The following METTL15 variants were observed in gnomAD, a reference collection of about 807,000 sequenced individuals.
METTL15 encodes 12S rRNA N(4)-cytidine methyltransferase METTL15.
Under a neutral mutation model 38.3 loss-of-function variants are expected in METTL15, and 34 were observed. The ratio of observed to expected loss-of-function variants is 0.89; its 90% CI spans 0.68 to 1.18. METTL15 has a LOEUF of 1.18. METTL15 is among the 50% of genes most tolerant of loss of function. The pLI is 0.00. For synonymous variants in METTL15, 162 were observed against 170.9 expected (o/e 0.95, Z 0.41); for missense variants, 438 against 498.4 (o/e 0.88, Z 1.15).
chr11:28,489,661 C>T (rs1199355007), intron 6 of METTL15, among the ~76,000 whole-genome samples: 1 of 152,012 alleles, frequency 6.6e-6, no homozygotes, highest in Non-Finnish European at 1.5e-5. Flanking sequence ...AGAAGTTGCT[C>T]ATGGGAAAGG....
At chr11:28,116,763 A>AT (rs917823967) in intron 3 of METTL15, among the ~76,000 whole-genome samples, 2 of 151,820 alleles carry the variant, frequency 1.3e-5, no homozygotes, top group Admixed American at 6.6e-5. Flanking sequence ...TCTTTAAAAA[A>AT]TTTTTTTTTA....
chr11:28,163,405 A>G, intron 3 of METTL15: 2 of 398,194 alleles, frequency 5.0e-6, no homozygotes, highest in Non-Finnish European at 8.9e-6. Context: ...ATTCTACAGC[A>G]GCCCTGCTTT....
At chr11:28,318,764 T>C (rs1291007556) in intron 6 of METTL15, among the ~76,000 whole-genome samples, 1 of 152,132 alleles carries the variant, frequency 6.6e-6, no homozygotes, top group Non-Finnish European at 1.5e-5. Context: ...TGTAAAAGGC[T>C]CCCTTCCTAG....
At chr11:28,162,051 T>C (rs1212387186) in intron 3 of METTL15, among the ~76,000 whole-genome samples, 1 of 152,188 alleles carries the variant, frequency 6.6e-6, no homozygotes, top group Non-Finnish European at 1.5e-5. Context: ...GACTTATTTT[T>C]TCACATATTT....
At chr11:28,299,554 A>G (rs1338314639) in intron 6 of METTL15, among the ~76,000 whole-genome samples, 2 of 152,152 alleles carry the variant, frequency 1.3e-5, no homozygotes, top group African/African-American at 4.8e-5. Context: ...CTAGAACTGT[A>G]TAGAAATACC....
At chr11:28,277,213 A>T (rs1056587309) in intron 4 of METTL15, among the ~76,000 whole-genome samples, 3 of 152,214 alleles carry the variant, frequency 2.0e-5, no homozygotes, top group Non-Finnish European at 4.4e-5. Flanking sequence ...CACTCAATCC[A>T]GCAATACCCC....
chr11:28,201,292 C>T (rs950224047), intron 3 of METTL15, among the ~76,000 whole-genome samples: 8 of 152,022 alleles, frequency 5.3e-5, no homozygotes, highest in Admixed American at 2.6e-4. Flanking sequence ...ATTTGGTTTG[C>T]CAGTATTTTA....
intron 4 of METTL15, among the ~76,000 whole-genome samples, chr11:28,248,336 A>T (rs1358268380): frequency 2.6e-5 from 4 of 152,032 alleles, no homozygotes; most frequent in African/African-American, 7.2e-5. Context: ...CTTCCTAGCA[A>T]GGAAAGTTGG....
intron 4 of METTL15, among the ~76,000 whole-genome samples, chr11:28,272,400 G>A (rs1451842318): frequency 3.3e-5 from 5 of 152,114 alleles, no homozygotes; most frequent in African/African-American, 7.2e-5. Context: ...AAAAAAGGAC[G>A]AGTTCATGTC....
At chr11:28,436,767 T>G (rs1018991319) in intron 6 of METTL15, among the ~76,000 whole-genome samples, 1 of 152,230 alleles carries the variant, frequency 6.6e-6, no homozygotes, top group African/African-American at 2.4e-5. Flanking sequence ...AGATCTCATT[T>G]TATACACTCA....
intron 6 of METTL15, among the ~76,000 whole-genome samples, chr11:28,484,424 A>T (rs1380592950): frequency 6.6e-6 from 1 of 152,140 alleles, no homozygotes; most frequent in East Asian, 1.9e-4. Context: ...AGTCCTGTGG[A>T]GAAGAAATGC....
intron 6 of METTL15, among the ~76,000 whole-genome samples, chr11:28,440,332 C>A (rs917206944): frequency 7.9e-5 from 12 of 151,948 alleles, no homozygotes; most frequent in Admixed American, 2.6e-4. Flanking sequence ...ATAAAAATTG[C>A]TTACTATGAA....
At chr11:28,162,061 T>A (rs1486266395) in intron 3 of METTL15, among the ~76,000 whole-genome samples, 5 of 152,154 alleles carry the variant, frequency 3.3e-5, no homozygotes, top group African/African-American at 1.2e-4. Context: ...TTCACATATT[T>A]CTCTCAAATC....
At chr11:28,136,412 C>T (rs967086615) in intron 3 of METTL15, among the ~76,000 whole-genome samples, 3 of 152,150 alleles carry the variant, frequency 2.0e-5, no homozygotes, top group Non-Finnish European at 4.4e-5. Flanking sequence ...CCTTTGCCTT[C>T]TGCCATGATT....
At chr11:28,307,171 AT>A (rs1455624123) in intron 6 of METTL15, among the ~76,000 whole-genome samples, 1 of 151,854 alleles carries the variant, frequency 6.6e-6, no homozygotes, top group East Asian at 1.9e-4. Flanking sequence ...CTCTGTTTAC[AT>A]TTTTTGTGTG....
chr11:28,229,158 T>C (rs1019373174), intron 4 of METTL15, among the ~76,000 whole-genome samples: 1 of 152,026 alleles, frequency 6.6e-6, no homozygotes, highest in African/African-American at 2.4e-5. Context: ...ATGTTAGTTA[T>C]AATTGCTTTT....
chr11:28,283,410 C>G (rs1429352024), intron 4 of METTL15, among the ~76,000 whole-genome samples: 2 of 152,174 alleles, frequency 1.3e-5, no homozygotes, highest in African/African-American at 2.4e-5. Context: ...TACAGGATGC[C>G]CAACCTTGTG....
chr11:28,223,336 A>C (rs1853330574), intron 4 of METTL15, among the ~76,000 whole-genome samples: 2 of 152,150 alleles, frequency 1.3e-5, no homozygotes, highest in Non-Finnish European at 2.9e-5. Context: ...ATAATTTATT[A>C]ATATCCACAT....
At chr11:28,398,294 A>G (rs1012559371) in intron 5 of METTL15, among the ~76,000 whole-genome samples, 7 of 151,720 alleles carry the variant, frequency 4.6e-5, no homozygotes, top group African/African-American at 1.7e-4. Flanking sequence ...AAAAATTGAT[A>G]AACCATAAAA....
Sources: gnomAD v4.1 joint callset for allele counts (sites outside exome capture counted in the v4.1 genomes callset) on GRCh38, gnomAD v4.1.1 for gene constraint, MANE v1.5 for transcripts, NCBI Gene and HGNC (gene_info 2026-07-23, HGNC 2026-07-21) for gene names.